Variants in PCDH1 observed in about 807,000 individuals in gnomAD.
PCDH1 encodes the protein protocadherin-1.
PCDH1 carries 23 observed loss-of-function variants against 74.6 expected under a neutral mutation model. The observed-to-expected ratio is 0.31, with a 90% CI of 0.22 to 0.44. The LOEUF (loss-of-function observed/expected upper bound fraction) is 0.44. Among genes scored for constraint, PCDH1 ranks in the 20% least tolerant of loss-of-function variants. The pLI is 1.00. For missense variants in PCDH1, 1,214 were observed against 1,641.4 expected (o/e 0.74, Z 4.50); for synonymous variants, 647 against 686.1 (o/e 0.94, Z 0.89).
rs905972626 is a variant in PCDH1 at position 141,863,271 on chromosome 5, G to A, written c.3060C>T (p.Tyr1020=). Residue 1020 remains tyrosine (Y), a synonymous_variant, in exon 3 of 5, where the codon TAC becomes TAT. Coordinates refer to ENST00000287008, the MANE Select transcript of PCDH1 (RefSeq NM_032420.5). The surrounding 1 kb of genome is among the most constrained non-coding windows in gnomAD (Gnocchi z 7.5). The stretch of plus-strand genomic sequence containing the variant: ...ATTTGGGGGGGTTGGTGCGGTAGCT[G>A]TAGTCGGAGTACTGCTCAGAGCCCG... The part of the protein sequence containing the change: ...TSTGSEQYSD[Y]SYRTNPPKYP... 1.3e-6 allele frequency: 2 copies of A among 1,592,012 alleles called. No homozygotes were observed. Among genetic ancestry groups the A allele is most frequent in the Middle Eastern group, 1.7e-4 (1 of 5,950 alleles).
intron 1 of PCDH1, among the ~76,000 whole-genome samples, chr5:141,875,144 ATAAGGTCTATTACAT>A (rs576293330): frequency 1.3e-5 from 2 of 152,342 alleles, no homozygotes; most frequent in Non-Finnish European, 2.9e-5. Flanking sequence ...TCTCATGCCT[ATAAGGTCTATTACAT>A]TAAGGTCTAT....
At position 141,869,488 on chromosome 5, in the gene PCDH1, G is replaced by C; in HGVS notation, c.41-57C>G. 6.4e-7 allele frequency: 1 copy of C among 1,568,742 alleles called. No individual in the cohort carries two copies. Among genetic ancestry groups the C allele is most frequent in the South Asian group, 1.2e-5 (1 of 86,326 alleles). ...GAGCTGGGAAGAAAAGCCTGGCCCTGAGCTGCCCAGAGCTGGCCCCATACT... is the reference window on the plus strand; with the variant it reads ...GAGCTGGGAAGAAAAGCCTGGCCCTCAGCTGCCCAGAGCTGGCCCCATACT... On this transcript the variant is annotated intron_variant, in intron 1 of 4. Transcript: ENST00000287008. The surrounding 1 kb of genome is among the most constrained non-coding windows in gnomAD (Gnocchi z 4.9).
At chr5:141,856,518 G>A (rs1016906261) in intron 4 of PCDH1, among the ~76,000 whole-genome samples, 3 of 151,990 alleles carry the variant, frequency 2.0e-5, no homozygotes, top group African/African-American at 4.8e-5. Context: ...GGGTTAGCTC[G>A]TTCACTCTCC....
chr5:141,866,245 C>G, intron 2 of PCDH1: 21 of 985,448 alleles, frequency 2.1e-5, no homozygotes, highest in Non-Finnish European at 2.4e-5. Context: ...GGCACCAATG[C>G]GAGGAATCCG....
chr5:141,864,616 C>T lies in PCDH1; in HGVS notation c.1715G>A (p.Arg572Gln), dbSNP rs1214861592. 14 of 1,613,532 alleles carry T rather than the reference C, an allele frequency of 8.7e-6. No individual in the cohort carries two copies. The highest frequency in any genetic ancestry group is 1.0e-5 in the Non-Finnish European group (12 of 1,180,042). Reference protein sequence around the residue: ...GEIQVKTSLDREQRESYELKV... With the variant: ...GEIQVKTSLDQEQRESYELKV... ...CAACTCATAGCTCTCCCGCTGTTCC[C>T]GATCCAGAGATGTCTTCACCTGGAT... Residue 572 changes from arginine to glutamine, a missense_variant, in exon 3 of 5, where the codon CGG (arginine) becomes CAG (glutamine). Arg to Gln is a conservative substitution (Grantham distance 43, BLOSUM62 1). This residue lies in a region of PCDH1 where 836 missense variants were observed against 1,182.2 expected (regional missense o/e 0.71). Coordinates refer to ENST00000287008, the MANE Select transcript of PCDH1 (RefSeq NM_032420.5). The surrounding 1 kb of genome is among the most constrained non-coding windows in gnomAD (Gnocchi z 5.9).
rs986158768 is a variant in PCDH1, at chr5:141,862,664, G to C, written c.3099+568C>G. ...AAGAAACCAAAACTCCAAAAATAGA[G>C]AACTTTATTGTCAGGGTCAAGGGCA... is the stretch of plus-strand genomic sequence containing the variant. On this transcript the variant is annotated intron_variant, in intron 3 of 4. Coordinates refer to ENST00000287008, the MANE Select transcript of PCDH1 (RefSeq NM_032420.5). The C allele has an allele frequency of 7.1e-6, 7 of 986,942 alleles. No individual in the cohort carries two copies. In the African/African-American group the frequency reaches 1.0e-4, roughly 15 times the overall value. The allele number at this position is 986,942 out of a possible 1,614,324, so 61.1% of individuals were successfully genotyped here.
rs1399936026 is a variant in PCDH1 at position 141,865,431 on chromosome 5, T to C, written c.904-4A>G. ...GGTCTGAGTCATTGGCCTTCACCTATAGGGCAGGAGAGAAAAACAAGGAGA... is the reference window on the plus strand; with the variant it reads ...GGTCTGAGTCATTGGCCTTCACCTACAGGGCAGGAGAGAAAAACAAGGAGA... On this transcript the variant is annotated splice_polypyrimidine_tract_variant and splice_region_variant and intron_variant, in intron 2 of 4. Transcript: ENST00000287008. This position sits in a 1 kb window ranked among gnomAD's most constrained non-coding sequence, Gnocchi z 4.4. 6.2e-7 allele frequency: 1 copy of C among 1,610,604 alleles called. No individual in the cohort carries two copies. Among genetic ancestry groups the C allele is most frequent in the Admixed American group, 1.7e-5 (1 of 59,964 alleles).
chr5:141,854,697 G>A (rs926910952), intron 4 of PCDH1, among the ~76,000 whole-genome samples: 6 of 152,106 alleles, frequency 3.9e-5, no homozygotes, highest in African/African-American at 1.4e-4. Flanking sequence ...TTGAGATGGA[G>A]TCTTGCTCTT....
At chr5:141,859,322 GCTTGGTCT>G (rs1752480342) in intron 3 of PCDH1, among the ~76,000 whole-genome samples, 1 of 152,118 alleles carries the variant, frequency 6.6e-6, no homozygotes, top group African/African-American at 2.4e-5. Context: ...TAAGCAAGTC[GCTTGGTCT>G]CTTTTCCCAT....
Position 141,862,897 on chromosome 5 carries a change from C to T in PCDH1, c.3099+335G>A, listed in dbSNP as rs1561479147. 9.1e-6 allele frequency: 11 copies of T among 1,207,540 alleles called. No individual in the cohort carries two copies. The South Asian group carries it at 1.7e-4, about 19-fold the overall frequency. 74.8% of individuals were successfully genotyped at this position (1,207,540 alleles called of 1,614,324 possible). A position where few individuals can be genotyped will look rare whatever the true frequency, so the allele number is the denominator to read the frequency against. On this transcript the variant is annotated intron_variant, in intron 3 of 4. Transcript: ENST00000287008. Reference sequence around the variant, plus strand: ...TTTGGAGTAGACTTCTTACCCATTTCCCTCCCCACTTACGCTCACCTGCCT... The same window carrying T: ...TTTGGAGTAGACTTCTTACCCATTTTCCTCCCCACTTACGCTCACCTGCCT...
At chr5:141,867,487 A>C in intron 2 of PCDH1, 1 of 428,124 alleles carries the variant, frequency 2.3e-6, no homozygotes, top group Non-Finnish European at 4.6e-6. Flanking sequence ...TGTAAGGATT[A>C]AATGATATAA....
chr5:141,866,219 T>A (rs1752825193), intron 2 of PCDH1: 6 of 985,478 alleles, frequency 6.1e-6, no homozygotes, highest in Middle Eastern at 5.2e-4. Context: ...TCCTCCCGAC[T>A]GGCACCGGCT....
intron 4 of PCDH1, among the ~76,000 whole-genome samples, chr5:141,855,070 C>A (rs1010524209): frequency 6.6e-6 from 1 of 151,974 alleles, no homozygotes; most frequent in African/African-American, 2.4e-5. Flanking sequence ...TTCCCAGGCT[C>A]AGGCAATCCT....
In PCDH1 at chr5:141,869,395, A is replaced by T; in HGVS notation, c.77T>A (p.Leu26Gln). The change falls in exon 2 of 5, where the codon CTG (leucine) becomes CAG (glutamine). Residue 26 changes from leucine to glutamine, a missense_variant. Leu to Gln is a moderately radical substitution (Grantham distance 113). This residue lies in a region of PCDH1 where 87 missense variants were observed against 87.7 expected (regional missense o/e 0.99). Coordinates refer to ENST00000287008, the MANE Select transcript of PCDH1 (RefSeq NM_032420.5). The surrounding 1 kb of genome is among the most constrained non-coding windows in gnomAD (Gnocchi z 4.9). ...CCCCCCAGGGCCTGGGCTGTGCCTC[A>T]GGTGCTCCATCCTGGGAGGCCCCAG... is the stretch of plus-strand genomic sequence containing the variant. ...LILGPPRMEHLRHSPGPGGQR... is the reference protein window; with the variant it reads ...LILGPPRMEHQRHSPGPGGQR... 1 of 1,598,298 alleles carries T rather than the reference A, an allele frequency of 6.3e-7. No homozygotes were observed. Among genetic ancestry groups the T allele is most frequent in the Non-Finnish European group, 8.5e-7 (1 of 1,177,790 alleles).
intron 1 of PCDH1, among the ~76,000 whole-genome samples, chr5:141,875,180 T>C (rs910959559): frequency 5.9e-5 from 9 of 152,226 alleles, no homozygotes; most frequent in Non-Finnish European, 8.8e-5. Context: ...TTACATTACA[T>C]GTAAAGGACA....
chr5:141,856,861 C>T (rs987266195), intron 4 of PCDH1, among the ~76,000 whole-genome samples: 3 of 152,198 alleles, frequency 2.0e-5, no homozygotes, highest in Non-Finnish European at 4.4e-5. Context: ...AAGGTTTCCT[C>T]ACCATTACGT....
chr5:141,865,751 G>A lies in PCDH1; in HGVS notation c.904-324C>T, dbSNP rs1285868571. Among the ~76,000 whole-genome samples, 2 of 152,224 alleles carry A rather than the reference G, an allele frequency of 1.3e-5. No individual in the cohort carries two copies. The highest frequency in any genetic ancestry group is 2.9e-5 in the Non-Finnish European group (2 of 68,040). ...GTATGGGTCCACAAAAATACCAGGA[G>A]AGGATGAGGATCCAATAGAACTAGG... On this transcript the variant is annotated intron_variant, in intron 2 of 4. Transcript: ENST00000287008. The surrounding 1 kb of genome is among the most constrained non-coding windows in gnomAD (Gnocchi z 4.4).
At chr5:141,874,630 G>A (rs964273472) in intron 1 of PCDH1, among the ~76,000 whole-genome samples, 1 of 152,208 alleles carries the variant, frequency 6.6e-6, no homozygotes, top group Non-Finnish European at 1.5e-5. Context: ...GAGAACAGAG[G>A]TGAGAGTTCA....
chr5:141,877,293 G>T (rs1211109495), intron 1 of PCDH1, among the ~76,000 whole-genome samples: 1 of 152,214 alleles, frequency 6.6e-6, no homozygotes, highest in Non-Finnish European at 1.5e-5. Flanking sequence ...CGCTGCTGTA[G>T]GTGCCAATTC....
Sources: gnomAD v4.1 joint callset for allele counts (sites outside exome capture counted in the v4.1 genomes callset) on GRCh38, gnomAD v4.1.1 for gene constraint, gnomAD v4.1.1 regional missense constraint, Gnocchi (gnomAD v3.1) non-coding constraint, MANE v1.5 for transcripts, NCBI Gene and HGNC (gene_info 2026-07-23, HGNC 2026-07-21) for gene names.